The following ATP2B1 variants were observed in gnomAD, a reference collection of about 807,000 sequenced individuals.
ATP2B1 encodes plasma membrane calcium-transporting ATPase 1.
In ATP2B1, 14 loss-of-function variants were observed where a neutral mutation model predicts 124.2. The ratio of observed to expected loss-of-function variants is 0.11; its 90% CI spans 0.07 to 0.18. The LOEUF (loss-of-function observed/expected upper bound fraction) is 0.18, where lower values mean the gene tolerates loss of function less well. Among genes scored for constraint, ATP2B1 ranks in the 10% least tolerant of loss-of-function variants. The pLI is 1.00. For missense variants in ATP2B1, 763 were observed against 1,466.1 expected, an observed-to-expected ratio of 0.52 and a Z score of 7.83; for synonymous variants, 449 against 492.4, an observed-to-expected ratio of 0.91 and a Z score of 1.17.
chr12:89,641,404 G>C (rs1350863129), intron 3 of ATP2B1, among the ~76,000 whole-genome samples: 1 of 152,046 alleles, frequency 6.6e-6, no homozygotes, highest in Non-Finnish European at 1.5e-5. Flanking sequence ...TTCAGATTTG[G>C]GAATATGTGC....
chr12:89,692,331 T>C (rs896355800), intron 1 of ATP2B1, among the ~76,000 whole-genome samples: 9 of 152,180 alleles, frequency 5.9e-5, no homozygotes, highest in African/African-American at 2.2e-4. Context: ...TAATATTTCA[T>C]TTAACATGGT....
chr12:89,595,635 A>C (rs1440771567), intron 20 of ATP2B1, among the ~76,000 whole-genome samples: 1 of 152,110 alleles, frequency 6.6e-6, no homozygotes, highest in Non-Finnish European at 1.5e-5. Flanking sequence ...GGGCAGAAAC[A>C]CAGTGATAAA....
At chr12:89,690,573 C>CT (rs200007363) in intron 1 of ATP2B1, among the ~76,000 whole-genome samples, 18 of 150,924 alleles carry the variant, frequency 1.2e-4, no homozygotes, top group Middle Eastern at 3.4e-3. Context: ...AACAGTTTTG[C>CT]TTTTTTTAAA....
chr12:89,598,005 CAG>C (rs2135901702), intron 20 of ATP2B1, among the ~76,000 whole-genome samples: 1 of 106,456 alleles, frequency 9.4e-6, no homozygotes, highest in East Asian at 3.1e-4. Context: ...TAAATTTACA[CAG>C]TGATTTCCCC....
At chr12:89,659,649 G>A (rs1028539442) in intron 1 of ATP2B1, among the ~76,000 whole-genome samples, 4 of 152,144 alleles carry the variant, frequency 2.6e-5, no homozygotes, top group African/African-American at 4.8e-5. Context: ...TTGGTCAGGC[G>A]CAGTGGCTCA....
intron 12 of ATP2B1, among the ~76,000 whole-genome samples, chr12:89,612,785 T>G (rs1878261607): frequency 6.6e-6 from 1 of 152,204 alleles, no homozygotes; most frequent in African/African-American, 2.4e-5. Flanking sequence ...AGTTATTGTT[T>G]ACCTGAATCT....
intron 3 of ATP2B1, among the ~76,000 whole-genome samples, chr12:89,635,563 G>A (rs886432040): frequency 2.6e-5 from 4 of 152,106 alleles, no homozygotes; most frequent in African/African-American, 4.8e-5. Flanking sequence ...TTTCTTCATC[G>A]TCAAATTATG....
intron 9 of ATP2B1, among the ~76,000 whole-genome samples, chr12:89,622,645 G>A (rs748240117): frequency 4.6e-5 from 7 of 151,876 alleles, no homozygotes; most frequent in Non-Finnish European, 7.4e-5. Context: ...TGTGAAAAAC[G>A]GATGTGTATT....
intron 2 of ATP2B1, among the ~76,000 whole-genome samples, chr12:89,653,768 C>T (rs931921183): frequency 3.3e-5 from 5 of 152,142 alleles, no homozygotes; most frequent in East Asian, 1.9e-4. Context: ...TAAAAGGCAC[C>T]GCTCCAAATA....
At chr12:89,609,024 A>G (rs996869895) in intron 15 of ATP2B1, among the ~76,000 whole-genome samples, 1 of 152,158 alleles carries the variant, frequency 6.6e-6, no homozygotes, top group African/African-American at 2.4e-5. Flanking sequence ...GGCTGCCACC[A>G]TGGTAGATCT....
intron 18 of ATP2B1, among the ~76,000 whole-genome samples, chr12:89,602,014 G>T (rs1165964203): frequency 1.3e-5 from 2 of 152,230 alleles, no homozygotes; most frequent in Non-Finnish European, 2.9e-5. Flanking sequence ...CAGGTGAGGT[G>T]ATCTCAGATT....
At chr12:89,598,056 A>AAAAAAAAT (rs1875027663) in intron 20 of ATP2B1, among the ~76,000 whole-genome samples, 1 of 150,556 alleles carries the variant, frequency 6.6e-6, no homozygotes, top group Non-Finnish European at 1.5e-5. Flanking sequence ...AAAAAAAAAA[A>AAAAAAAAT]AAAAAAATCA....
Position 89,603,490 on chromosome 12 carries a change from G to T in ATP2B1, c.2848+222C>A. 1.6e-6 allele frequency: 1 copy of T among 634,534 alleles called. No individual in the cohort carries two copies. Among genetic ancestry groups the T allele is most frequent in the Non-Finnish European group, 2.7e-6 (1 of 372,034 alleles). The allele number at this position is 634,534 out of a possible 1,614,324, so 39.3% of individuals were successfully genotyped here. The stretch of plus-strand genomic sequence containing the variant: ...ACATATCTAAATTAGTGGAGAGCCA[G>T]GGTAAGACATCAGGACTGTTTATTC... On this transcript the variant is annotated intron_variant, in intron 17 of 20. Transcript: ENST00000428670. This position sits in a 1 kb window ranked among gnomAD's most constrained non-coding sequence, Gnocchi z 4.3.
At chr12:89,647,364 G>A (rs1262267454) in intron 2 of ATP2B1, among the ~76,000 whole-genome samples, 1 of 152,172 alleles carries the variant, frequency 6.6e-6, no homozygotes, top group Non-Finnish European at 1.5e-5. Flanking sequence ...TGATCTATGA[G>A]TAGATAACAG....
chr12:89,683,096 G>A (rs1211410262), intron 1 of ATP2B1, among the ~76,000 whole-genome samples: 1 of 152,124 alleles, frequency 6.6e-6, no homozygotes, highest in Non-Finnish European at 1.5e-5. Context: ...AAAGAGAAAT[G>A]CAAATTAAAA....
At chr12:89,691,986 G>GT (rs1029450802) in intron 1 of ATP2B1, among the ~76,000 whole-genome samples, 4 of 152,072 alleles carry the variant, frequency 2.6e-5, no homozygotes, top group African/African-American at 9.7e-5. Flanking sequence ...AAAGGATGGT[G>GT]TTTCCTTTTC....
chr12:89,657,585 G>A (rs1886109984), intron 1 of ATP2B1, among the ~76,000 whole-genome samples: 1 of 152,206 alleles, frequency 6.6e-6, no homozygotes. Flanking sequence ...AAACTGCTAT[G>A]AAGATGTCTG....
At chr12:89,643,101 T>TATAC (rs1883848523) in intron 2 of ATP2B1, among the ~76,000 whole-genome samples, 1 of 122,818 alleles carries the variant, frequency 8.1e-6, no homozygotes, top group Admixed American at 7.8e-5. Context: ...CATATATACA[T>TATAC]ACGTATATAT....
intron 3 of ATP2B1, 196 bp downstream of exon 3, chr12:89,641,962 T>C (rs1883595447): frequency 3.4e-6 from 2 of 588,988 alleles, no homozygotes; most frequent in Non-Finnish European, 5.9e-6. Context: ...TGCCTCATTG[T>C]AAAAGGGAGG....
Sources: allele counts gnomAD v4.1 joint callset (sites outside exome capture counted in the v4.1 genomes callset), GRCh38; gene constraint gnomAD v4.1.1; non-coding constraint Gnocchi (gnomAD v3.1); transcripts MANE v1.5; gene names NCBI Gene and HGNC (gene_info 2026-07-23, HGNC 2026-07-21).